Variants in CNTNAP2 observed in about 807,000 individuals in gnomAD.
CNTNAP2 encodes contactin associated protein 2, also known as contactin-associated protein-like 2.
A neutral mutation model predicts 155.2 loss-of-function variants in CNTNAP2; 98 were observed. That is an observed-to-expected ratio of 0.63 (90% CI 0.54 to 0.75). The LOEUF is 0.75. Among genes scored for constraint, CNTNAP2 ranks in the 30% least tolerant of loss-of-function variants. CNTNAP2 has a pLI of 0.00. For synonymous variants in CNTNAP2, 651 were observed against 631.2 expected (o/e 1.03, Z -0.47); for missense variants, 1,727 against 1,688.1 (o/e 1.02, Z -0.40).
intron 1 of CNTNAP2, among the ~76,000 whole-genome samples, chr7:146,197,102 C>G (rs1798788250): frequency 6.6e-6 from 1 of 152,022 alleles, no homozygotes; most frequent in Non-Finnish European, 1.5e-5. Context: ...CAATATTATA[C>G]AGGTTGAAAA....
intron 8 of CNTNAP2, among the ~76,000 whole-genome samples, chr7:147,248,402 A>T (rs1019884791): frequency 1.3e-5 from 2 of 152,174 alleles, no homozygotes; most frequent in East Asian, 3.9e-4. Context: ...GTTCAGGTAC[A>T]CTTCGCAGTC....
chr7:147,438,607 T>C (rs1481677175), intron 10 of CNTNAP2, among the ~76,000 whole-genome samples: 5 of 151,986 alleles, frequency 3.3e-5, no homozygotes, highest in African/African-American at 7.2e-5. Context: ...CATGATACAG[T>C]GATTTTGGAA....
At chr7:147,883,601 A>G (rs1220718163) in intron 13 of CNTNAP2, among the ~76,000 whole-genome samples, 1 of 152,204 alleles carries the variant, frequency 6.6e-6, no homozygotes, top group East Asian at 1.9e-4. Context: ...TTCTTTAATC[A>G]ACTGACACTG....
chr7:147,582,685 T>C (rs78290991), intron 12 of CNTNAP2, among the ~76,000 whole-genome samples: 32,002 of 152,018 alleles, frequency 0.21, 3,563 homozygotes, highest in Admixed American at 0.3. Context: ...TGAATATATT[T>C]ATTTTATTAT....
At chr7:147,217,268 A>G (rs1803294716) in intron 8 of CNTNAP2, among the ~76,000 whole-genome samples, 1 of 151,968 alleles carries the variant, frequency 6.6e-6, no homozygotes, top group South Asian at 2.1e-4. Context: ...ACCATTAAGT[A>G]TGATGTTGGC....
intron 13 of CNTNAP2, among the ~76,000 whole-genome samples, chr7:147,731,145 T>A (rs1172056376): frequency 6.6e-6 from 1 of 152,152 alleles, no homozygotes; most frequent in East Asian, 1.9e-4. Context: ...CAACAAGTTA[T>A]CTAGAAGGTC....
At chr7:146,938,955 G>A (rs1477470227) in intron 3 of CNTNAP2, among the ~76,000 whole-genome samples, 1 of 151,970 alleles carries the variant, frequency 6.6e-6, no homozygotes, top group African/African-American at 2.4e-5. Flanking sequence ...TTCTATCTAA[G>A]TTTTAGTGCA....
chr7:147,702,000 G>A (rs1313290231), intron 13 of CNTNAP2, among the ~76,000 whole-genome samples: 1 of 150,232 alleles, frequency 6.7e-6, no homozygotes, highest in Non-Finnish European at 1.5e-5. Flanking sequence ...AGGGAAAAAG[G>A]ATTTGAAGTA....
At chr7:147,959,247 T>C (rs1801075252) in intron 14 of CNTNAP2, among the ~76,000 whole-genome samples, 1 of 152,072 alleles carries the variant, frequency 6.6e-6, no homozygotes, top group Admixed American at 6.6e-5. Flanking sequence ...GGTTTTCCAG[T>C]TGCCTCATAG....
intron 15 of CNTNAP2, among the ~76,000 whole-genome samples, chr7:148,051,615 C>T (rs561284236): frequency 5.3e-5 from 8 of 152,078 alleles, no homozygotes; most frequent in East Asian, 1.9e-4. Context: ...TTTAAATGAA[C>T]GGGGATCCTG....
At chr7:147,757,402 T>C (rs1485675101) in intron 13 of CNTNAP2, among the ~76,000 whole-genome samples, 3 of 152,184 alleles carry the variant, frequency 2.0e-5, no homozygotes, top group Admixed American at 2.0e-4. Flanking sequence ...TCTGATGTTG[T>C]TTAGAGTTCC....
chr7:147,931,910 G>A (rs971834302), intron 14 of CNTNAP2, among the ~76,000 whole-genome samples: 4 of 151,564 alleles, frequency 2.6e-5, no homozygotes, highest in Middle Eastern at 3.2e-3. Flanking sequence ...TTTTGAGACA[G>A]GGTCTCATTA....
At chr7:147,797,206 T>TTTC (rs1288919137) in intron 13 of CNTNAP2, among the ~76,000 whole-genome samples, 1 of 152,176 alleles carries the variant, frequency 6.6e-6, no homozygotes, top group African/African-American at 2.4e-5. Context: ...CCTACATGGT[T>TTTC]ACCTTTGTAA....
rs141107367 is a variant in CNTNAP2 at position 146,158,354 on chromosome 7, C to A, written c.97+41381C>A. Among the ~76,000 whole-genome samples, 126 of 152,294 alleles carry A rather than the reference C, an allele frequency of 8.3e-4. 2 individuals are homozygous for A. In the East Asian group the frequency reaches 0.021, roughly 25 times the overall value. On this transcript the variant is annotated intron_variant, in intron 1 of 23. Transcript: ENST00000361727. Reference sequence around the variant, plus strand: ...CTTCTCCTCCAAAGGAACGCAGCTCCTTGCCAGCAATGGGACAAAGCTGGA... The same window carrying A: ...CTTCTCCTCCAAAGGAACGCAGCTCATTGCCAGCAATGGGACAAAGCTGGA...
At chr7:148,219,558 A>G (rs1250846062) in intron 19 of CNTNAP2, among the ~76,000 whole-genome samples, 2 of 152,362 alleles carry the variant, frequency 1.3e-5, no homozygotes, top group East Asian at 3.9e-4. Flanking sequence ...TTAACTGGGC[A>G]TGAAGGTGCA....
At chr7:146,210,137 A>T (rs1411279803) in intron 1 of CNTNAP2, among the ~76,000 whole-genome samples, 1 of 152,134 alleles carries the variant, frequency 6.6e-6, no homozygotes, top group Non-Finnish European at 1.5e-5. Context: ...GCATTGCTAG[A>T]TTATGATGAA....
At chr7:147,274,569 G>A (rs749925901) in intron 8 of CNTNAP2, among the ~76,000 whole-genome samples, 6 of 152,010 alleles carry the variant, frequency 3.9e-5, no homozygotes, top group Non-Finnish European at 8.8e-5. Context: ...GATTCTGGAC[G>A]TTAGTCCTTT....
At chr7:146,490,226 A>C (rs1475092011) in intron 1 of CNTNAP2, among the ~76,000 whole-genome samples, 2 of 152,240 alleles carry the variant, frequency 1.3e-5, no homozygotes, top group African/African-American at 2.4e-5. Flanking sequence ...TATTTATTGA[A>C]CAGCTACTAT....
chr7:146,996,752 G>C (rs1798315542), intron 3 of CNTNAP2, among the ~76,000 whole-genome samples: 1 of 151,944 alleles, frequency 6.6e-6, no homozygotes, highest in South Asian at 2.1e-4. Context: ...CATGTTAATA[G>C]AAGCGGTGAA....
Sources: allele counts gnomAD v4.1 joint callset (sites outside exome capture counted in the v4.1 genomes callset), GRCh38; gene constraint gnomAD v4.1.1; transcripts MANE v1.5; gene names NCBI Gene and HGNC (gene_info 2026-07-23, HGNC 2026-07-21).